Variants in NLRP2 observed in about 807,000 individuals in gnomAD.
The protein encoded by NLRP2 is NACHT, LRR and PYD domains-containing protein 2.
In NLRP2, 107 loss-of-function variants were observed where a neutral mutation model predicts 97.2. That is an observed-to-expected ratio of 1.10 (90% CI 0.94 to 1.29). The LOEUF (loss-of-function observed/expected upper bound fraction) is 1.29. NLRP2 is among the 50% of genes most tolerant of loss of function. The pLI is 0.00. For synonymous variants in NLRP2, 663 were observed against 551.5 expected (o/e 1.20, Z -2.83); for missense variants, 1,495 against 1,330.3 (o/e 1.12, Z -1.93).
chr19:54,987,466 T>C (rs2072170763), intron 8 of NLRP2, among the ~76,000 whole-genome samples: 1 of 152,078 alleles, frequency 6.6e-6, no homozygotes, highest in Non-Finnish European at 1.5e-5. Flanking sequence ...GGCCTCAAAT[T>C]ATTGCCCTGG....
In NLRP2 at chr19:54,985,205, T is replaced by C; in HGVS notation, c.2189T>C (p.Leu730Pro). The C allele has an allele frequency of 6.2e-7, 1 of 1,613,948 alleles. No individual in the cohort carries two copies. Among genetic ancestry groups the C allele is most frequent in the Non-Finnish European group, 8.5e-7 (1 of 1,179,912 alleles). ...CAAATAGCCTCTGACACCTGTCATCTCCAGAGAGTGGTGTAAGTAGAAACT... is the reference window on the plus strand; with the variant it reads ...CAAATAGCCTCTGACACCTGTCATCCCCAGAGAGTGGTGTAAGTAGAAACT... ...CEQIASDTCH[L>P]QRVVFKNISP... Residue 730 changes from leucine to proline, a missense_variant, in exon 7 of 13, where the codon CTC becomes CCC. Physicochemically the swap from Leu to Pro is moderately conservative, Grantham distance 98. Coordinates refer to ENST00000448584, the MANE Select transcript of NLRP2 (RefSeq NM_017852.5).
In NLRP2 at chr19:54,997,488, G is replaced by A. The variant is rs757046992; in HGVS notation, c.3050+1G>A. The A allele has an allele frequency of 1.2e-6, 2 of 1,614,016 alleles. No homozygotes were observed. The highest frequency in any genetic ancestry group is 1.3e-5 in the African/African-American group (1 of 74,924). Reference sequence around the variant, plus strand: ...CCAGTGGCACCCTCCGGACACTCAGGTATGATCCATTTACTTCCCCATCAG... The same window carrying A: ...CCAGTGGCACCCTCCGGACACTCAGATATGATCCATTTACTTCCCCATCAG... On this transcript the variant is annotated splice_donor_variant, in intron 12 of 12. Coordinates refer to ENST00000448584, the MANE Select transcript of NLRP2 (RefSeq NM_017852.5). LOFTEE classifies it high-confidence loss of function.
intron 5 of NLRP2, 31 bp from the exon 6 acceptor site, chr19:54,982,129 CCT>C (rs2071612676): frequency 6.2e-7 from 1 of 1,613,250 alleles, no homozygotes; most frequent in Non-Finnish European, 8.5e-7. Context: ...CTGATTGCAT[CCT>C]CTCTCCCTTC....
Position 54,986,134 on chromosome 19 carries a change from C to T in NLRP2, c.2202-17C>T, listed in dbSNP as rs781576214. 47 of 1,592,748 alleles carry T rather than the reference C, an allele frequency of 3.0e-5. No individual in the cohort carries two copies. The highest frequency in any genetic ancestry group is 1.8e-4 in the Middle Eastern group (1 of 5,676). On this transcript the variant is annotated splice_polypyrimidine_tract_variant and intron_variant, in intron 7 of 12. Coordinates refer to ENST00000448584, the MANE Select transcript of NLRP2 (RefSeq NM_017852.5). ...GTGTACACACTAAAGATTTCACTTT[C>T]GTTCTCTTTTCCCTAGGTTCAAAAA...
intron 8 of NLRP2, among the ~76,000 whole-genome samples, chr19:54,987,603 A>G (rs976846384): frequency 1.3e-5 from 2 of 152,102 alleles, no homozygotes; most frequent in Non-Finnish European, 2.9e-5. Context: ...TTAGCTGGGC[A>G]TGTTGGCGCA....
intron 12 of NLRP2, among the ~76,000 whole-genome samples, chr19:54,999,142 G>A (rs1007186592): frequency 6.6e-6 from 1 of 152,030 alleles, no homozygotes; most frequent in Non-Finnish European, 1.5e-5. Flanking sequence ...TGGGCGGGGG[G>A]CTGACCCCCC....
Position 54,970,395 on chromosome 19 carries a change from C to A in NLRP2, c.280+100C>A, listed in dbSNP as rs185242684. ...GCCAGGCGCGCTGGCTCACGCCTGT[C>A]GTCCCAGCCCTTTGGGAGGCTGAGG... On this transcript the variant is annotated intron_variant, in intron 2 of 12. Transcript: ENST00000448584. The A allele has an allele frequency of 3.8e-4, 535 of 1,421,316 alleles. 4 individuals are homozygous for A. The East Asian group carries it at 0.011, about 29-fold the overall frequency. 88.0% of individuals were successfully genotyped at this position (1,421,316 alleles called of 1,614,324 possible). A position where few individuals can be genotyped will look rare whatever the true frequency, so the allele number is the denominator to read the frequency against.
In NLRP2 at chr19:54,985,139, A is replaced by G; in HGVS notation, c.2123A>G (p.Asp708Gly). Reference sequence around the variant, plus strand: ...GATCTGATGGGTCTAGCAATCAATGATAGCTTTCTCAGTGCCTCCCTAGTA... The same window carrying G: ...GATCTGATGGGTCTAGCAATCAATGGTAGCTTTCTCAGTGCCTCCCTAGTA... Reference protein sequence around the residue: ...NKDLMGLAINDSFLSASLVRI... With the variant: ...NKDLMGLAINGSFLSASLVRI... The change falls in exon 7 of 13, where the codon GAT becomes GGT. Residue 708 changes from aspartate (D) to glycine (G), a missense_variant. Physicochemically the swap from Asp to Gly is moderately conservative, Grantham distance 94. Coordinates refer to ENST00000448584, the MANE Select transcript of NLRP2 (RefSeq NM_017852.5). 1.2e-6 allele frequency: 2 copies of G among 1,614,138 alleles called. No individual in the cohort carries two copies. The highest frequency in any genetic ancestry group is 8.5e-7 in the Non-Finnish European group (1 of 1,180,012).
At chr19:54,967,888 C>A (rs529148885) in intron 1 of NLRP2, among the ~76,000 whole-genome samples, 27 of 150,904 alleles carry the variant, frequency 1.8e-4, no homozygotes, top group Non-Finnish European at 3.1e-4. Context: ...GTGTTATACC[C>A]TTTCTGTAAA....
rs551870132 is a variant in NLRP2, at chr19:54,985,266, G to A, written c.2201+49G>A. 529 of 1,556,078 alleles carry A rather than the reference G, an allele frequency of 3.4e-4. 6 individuals carry two copies. The South Asian group carries it at 4.4e-3, about 13-fold the overall frequency. Reference sequence around the variant, plus strand: ...CTCAAATCCTTAGGGTATGAAAATGGTACAATGTTAACATCGGAGCAATAT... The same window carrying A: ...CTCAAATCCTTAGGGTATGAAAATGATACAATGTTAACATCGGAGCAATAT... On this transcript the variant is annotated intron_variant, in intron 7 of 12. Transcript: ENST00000448584.
intron 2 of NLRP2, among the ~76,000 whole-genome samples, chr19:54,973,547 G>A (rs2071009757): frequency 6.6e-6 from 1 of 151,662 alleles, no homozygotes; most frequent in Non-Finnish European, 1.5e-5. Context: ...GCTAATTTTT[G>A]TATTTTAGTA....
rs1019187055 is a variant in NLRP2, at chr19:54,982,674, A to G, written c.976A>G (p.Met326Val). 6.2e-7 allele frequency: 1 copy of G among 1,613,920 alleles called. No homozygotes were observed. Among genetic ancestry groups the G allele is most frequent in the Non-Finnish European group, 8.5e-7 (1 of 1,180,000 alleles). The change falls in exon 6 of 13, where the codon ATG becomes GTG. Residue 326 changes from methionine (M) to valine (V), a missense_variant. By Grantham distance (21) the Met-to-Val change is conservative. Coordinates refer to ENST00000448584, the MANE Select transcript of NLRP2 (RefSeq NM_017852.5). ...CCTGGGGAGTTTGCTGAACAGGGTG[A>G]TGTTACCCAAGGCCGCCCTGCTGGT... ...VLLGSLLNRV[M>V]LPKAALLVTT...
At chr19:54,975,478 G>C (rs2071167192) in intron 3 of NLRP2, among the ~76,000 whole-genome samples, 2 of 141,190 alleles carry the variant, frequency 1.4e-5, no homozygotes, top group South Asian at 2.4e-4. Flanking sequence ...TTGAGATAGA[G>C]TCTCTCTCTG....
chr19:54,984,312 TG>T (rs2071874040), intron 6 of NLRP2, among the ~76,000 whole-genome samples: 1 of 118,006 alleles, frequency 8.5e-6, no homozygotes, highest in African/African-American at 3.3e-5. Context: ...CTAACTTAAG[TG>T]GGGGTTTTTT....
intron 2 of NLRP2, among the ~76,000 whole-genome samples, chr19:54,970,603 C>T (rs566053343): frequency 1.1e-4 from 16 of 151,898 alleles, no homozygotes; most frequent in African/African-American, 3.1e-4. Context: ...TTGCTATGAG[C>T]CGAGATCACG....
chr19:54,979,190 A>G (rs2071422809), intron 4 of NLRP2, among the ~76,000 whole-genome samples: 1 of 151,806 alleles, frequency 6.6e-6, no homozygotes, highest in Admixed American at 6.6e-5. Flanking sequence ...TCAACAGGGT[A>G]GCCAGGTTGG....
At position 54,975,106 on chromosome 19, in the gene NLRP2, G is replaced by GTTTTTTTTT. The variant is rs558518586; in HGVS notation, c.325+591_325+599dup. ...ATGAGCCACCACCACACCCGGTTTT[G>GTTTTTTTTT]TTTTTTTTTTTTTTTTTTTTTTTTT... On this transcript the variant is annotated intron_variant, in intron 3 of 12. Coordinates refer to ENST00000448584, the MANE Select transcript of NLRP2 (RefSeq NM_017852.5). Among the ~76,000 whole-genome samples the GTTTTTTTTT allele has an allele frequency of 1.1e-3, 63 of 58,706 alleles. 11 individuals carry two copies. The highest frequency in any genetic ancestry group is 0.036 in the Middle Eastern group (2 of 56). 38.5% of individuals were successfully genotyped at this position (58,706 alleles called of 152,430 possible). A position where few individuals can be genotyped will look rare whatever the true frequency, so the allele number is the denominator to read the frequency against.
chr19:54,970,390 C>T (rs900267248), intron 2 of NLRP2, 95 bp downstream of exon 2: 1 of 1,455,788 alleles, frequency 6.9e-7, no homozygotes, highest in Non-Finnish European at 9.6e-7. Flanking sequence ...CTGGCTCACG[C>T]CTGTCGTCCC....
intron 8 of NLRP2, among the ~76,000 whole-genome samples, chr19:54,987,128 A>ACCCCCCCCCCC (rs763390795): frequency 2.9e-5 from 4 of 138,656 alleles, no homozygotes; most frequent in Non-Finnish European, 3.1e-5. Context: ...CAGGTGATCT[A>ACCCCCCCCCCC]CCCCCCCACC....
Sources: gnomAD v4.1 joint callset for allele counts (sites outside exome capture counted in the v4.1 genomes callset) on GRCh38, gnomAD v4.1.1 for gene constraint, MANE v1.5 for transcripts, NCBI Gene and HGNC (gene_info 2026-07-23, HGNC 2026-07-21) for gene names.